Variants in TOLLIP observed in about 807,000 individuals in gnomAD.
The protein encoded by TOLLIP is toll interacting protein.
TOLLIP carries 16 observed loss-of-function variants against 33.5 expected under a neutral mutation model. The ratio of observed to expected loss-of-function variants is 0.48; its 90% confidence interval spans 0.32 to 0.72. The LOEUF (loss-of-function observed/expected upper bound fraction) is 0.72, where lower values mean the gene tolerates loss of function less well. TOLLIP is among the 30% of genes least tolerant of loss of function. The pLI is 0.03. For missense variants in TOLLIP, 325 were observed against 396.6 expected (o/e 0.82, Z 1.53); for synonymous variants, 176 against 163.7 (o/e 1.07, Z -0.57).
chr11:1,288,079 G>A (rs1241020274), intron 4 of TOLLIP, among the ~76,000 whole-genome samples: 1 of 152,136 alleles, frequency 6.6e-6, no homozygotes, highest in Non-Finnish European at 1.5e-5. Flanking sequence ...CCCTGAGAAT[G>A]GAGATGGCTG....
rs1380051401 is a variant in TOLLIP at position 1,276,376 on chromosome 11, G to A, written c.*663C>T. The A allele has an allele frequency of 2.8e-5, 6 of 216,770 alleles. No homozygotes were observed. The South Asian group carries it at 3.3e-4, about 12-fold the overall frequency. The allele number at this position is 216,770 out of a possible 1,614,324, so 13.4% of individuals were successfully genotyped here. A position where few individuals can be genotyped will look rare whatever the true frequency, so the allele number is the denominator to read the frequency against. On this transcript the variant is annotated 3_prime_UTR_variant, in exon 6 of 6. Transcript: ENST00000317204. Reference sequence around the variant, plus strand: ...GCAATCAGGCAGAGCCTGGCCAACCGTGCCAGGCCCCCTTCCTCACTCCAG... The same window carrying A: ...GCAATCAGGCAGAGCCTGGCCAACCATGCCAGGCCCCCTTCCTCACTCCAG...
intron 1 of TOLLIP, among the ~76,000 whole-genome samples, chr11:1,301,279 T>G (rs973792710): frequency 6.6e-6 from 1 of 152,232 alleles, no homozygotes; most frequent in Admixed American, 6.5e-5. Context: ...TCATTAGCGA[T>G]GGGCTAAATA....
intron 1 of TOLLIP, chr11:1,306,077 C>A (rs540805500): frequency 6.6e-6 from 1 of 152,232 alleles, no homozygotes; most frequent in Non-Finnish European, 1.5e-5. Flanking sequence ...CTCACCCATG[C>A]TTTCTGATAA....
chr11:1,301,695 C>T (rs1270586696), intron 1 of TOLLIP, among the ~76,000 whole-genome samples: 1 of 152,170 alleles, frequency 6.6e-6, no homozygotes, highest in Non-Finnish European at 1.5e-5. Context: ...AACACAGAAG[C>T]CCAACTAGTG....
intron 4 of TOLLIP, among the ~76,000 whole-genome samples, chr11:1,288,303 T>A (rs768071236): frequency 6.6e-6 from 1 of 152,160 alleles, no homozygotes; most frequent in Non-Finnish European, 1.5e-5. Flanking sequence ...GGGCAGAGCT[T>A]GGAAGGGCTG....
At chr11:1,281,994 C>G (rs1243167818) in intron 5 of TOLLIP, among the ~76,000 whole-genome samples, 1 of 152,352 alleles carries the variant, frequency 6.6e-6, no homozygotes, top group East Asian at 1.9e-4. Flanking sequence ...ATCACAGGTA[C>G]TCAGAAGAAA....
At chr11:1,287,031 C>T (rs752085961) in intron 4 of TOLLIP, among the ~76,000 whole-genome samples, 3 of 152,108 alleles carry the variant, frequency 2.0e-5, no homozygotes, top group East Asian at 1.9e-4. Context: ...AGTCACTGCA[C>T]CACTGTCGCC....
At chr11:1,292,714 C>A (rs772273048) in intron 2 of TOLLIP, among the ~76,000 whole-genome samples, 1 of 151,808 alleles carries the variant, frequency 6.6e-6, no homozygotes, top group Non-Finnish European at 1.5e-5. Context: ...GGGCAAGAGA[C>A]GCACGTCAGA....
At chr11:1,299,399 C>T (rs891833545) in intron 1 of TOLLIP, among the ~76,000 whole-genome samples, 5 of 152,190 alleles carry the variant, frequency 3.3e-5, no homozygotes, top group Non-Finnish European at 7.3e-5. Context: ...CCAGTTCATG[C>T]TTCACGAGTC....
Position 1,290,296 on chromosome 11 carries a change from G to A in TOLLIP, c.297C>T (p.Arg99=). ...PTAHNGAKNP[R]WNKVIHCTVP... is the part of the protein sequence containing the mutation. ...CCGTGCAGTGGATGACCTTATTCCA[G>A]CGGGGATTCTTGGCGCCATTGTGTG... The change falls in exon 3 of 6, where the codon CGC becomes CGT. Residue 99 remains arginine, a synonymous_variant. Coordinates refer to ENST00000317204, the MANE Select transcript of TOLLIP (RefSeq NM_019009.4). This position sits in a 1 kb window ranked among gnomAD's most constrained non-coding sequence, Gnocchi z 4.9. 6.2e-7 allele frequency: 1 copy of A among 1,613,694 alleles called. No individual in the cohort carries two copies. The highest frequency in any genetic ancestry group is 8.5e-7 in the Non-Finnish European group (1 of 1,179,998).
At position 1,277,442 on chromosome 11, in the gene TOLLIP, C is replaced by T. The variant is rs1863347315; in HGVS notation, c.611-189G>A. On this transcript the variant is annotated intron_variant, in intron 5 of 5. Coordinates refer to ENST00000317204, the MANE Select transcript of TOLLIP (RefSeq NM_019009.4). This position sits in a 1 kb window ranked among gnomAD's most constrained non-coding sequence, Gnocchi z 4.2. The stretch of plus-strand genomic sequence containing the variant: ...AACCCCCAAACAGCAACCCCAGGCA[C>T]AGCCACGGGGAAGGTGGGCAGGGCC... Among the ~76,000 whole-genome samples the T allele has an allele frequency of 6.6e-6, 1 of 152,240 alleles. No individual in the cohort carries two copies. The highest frequency in any genetic ancestry group is 2.1e-4 in the South Asian group (1 of 4,832).
Position 1,293,462 on chromosome 11 carries a change from A to G in TOLLIP, c.183+2183T>C, listed in dbSNP as rs375663195. 9.8e-5 allele frequency among the ~76,000 whole-genome samples: 15 copies of G among 152,318 alleles called. No homozygotes were observed. The East Asian group carries it at 2.1e-3, about 22-fold the overall frequency. On this transcript the variant is annotated intron_variant, in intron 2 of 5. Transcript: ENST00000317204. ...CCCCTTGGCATCCCACTGGGGCCCC[A>G]GGAGACAACAAGGGGAAGCAGCGAG... is the stretch of plus-strand genomic sequence containing the variant.
chr11:1,293,189 G>A (rs5743941), intron 2 of TOLLIP, among the ~76,000 whole-genome samples: 2,166 of 152,350 alleles, frequency 0.014, 30 homozygotes, highest in Non-Finnish European at 0.019. Context: ...CAGAGTGTGG[G>A]GCAGCCACCT....
At position 1,278,715 on chromosome 11, in the gene TOLLIP, G is replaced by A. The variant is rs1475346176; in HGVS notation, c.611-1462C>T. On this transcript the variant is annotated intron_variant, in intron 5 of 5. Coordinates refer to ENST00000317204, the MANE Select transcript of TOLLIP (RefSeq NM_019009.4). The surrounding 1 kb of genome is among the most constrained non-coding windows in gnomAD (Gnocchi z 4.7). ...CTGGACACCTCACCTCACTGGGGAA[G>A]CATCATCCCCATGCTCATCAGCCTT... 2.0e-5 allele frequency among the ~76,000 whole-genome samples: 3 copies of A among 152,340 alleles called. No homozygotes were observed. The highest frequency in any genetic ancestry group is 7.2e-5 in the African/African-American group (3 of 41,570).
At chr11:1,301,853 A>T (rs1864287100) in intron 1 of TOLLIP, among the ~76,000 whole-genome samples, 1 of 152,260 alleles carries the variant, frequency 6.6e-6, no homozygotes, top group African/African-American at 2.4e-5. Context: ...AGAGAGAAAT[A>T]AATCCCCCGT....
At chr11:1,306,754 G>C (rs996477424) in intron 1 of TOLLIP, among the ~76,000 whole-genome samples, 2 of 151,676 alleles carry the variant, frequency 1.3e-5, no homozygotes, top group Non-Finnish European at 2.9e-5. Flanking sequence ...AAACTCCAGG[G>C]CAAGTCCAGT....
At chr11:1,300,365 C>T (rs569754487) in intron 1 of TOLLIP, among the ~76,000 whole-genome samples, 67 of 152,320 alleles carry the variant, frequency 4.4e-4, no homozygotes, top group Middle Eastern at 3.4e-3. Context: ...ACCACTGCAG[C>T]GTACCTTTCC....
rs749858766 is a variant in TOLLIP at position 1,276,745 on chromosome 11, AAG to A, written c.*292_*293del. 1 of 1,472,130 alleles carries A rather than the reference AAG, an allele frequency of 6.8e-7. No homozygotes were observed. Among genetic ancestry groups the A allele is most frequent in the South Asian group, 1.2e-5 (1 of 82,670 alleles). The allele number at this position is 1,472,130 out of a possible 1,614,324, so 91.2% of individuals were successfully genotyped here. On this transcript the variant is annotated 3_prime_UTR_variant, in exon 6 of 6. Coordinates refer to ENST00000317204, the MANE Select transcript of TOLLIP (RefSeq NM_019009.4). ...GGCAGAAGCAGCTGCTCTCTACAGC[AAG>A]AGCATTTTCCAGAACGGCATGAGAA...
Position 1,277,167 on chromosome 11 carries a change from C to T in TOLLIP, c.697G>A (p.Asp233Asn). 1 of 1,612,406 alleles carries T rather than the reference C, an allele frequency of 6.2e-7. No homozygotes were observed. The highest frequency in any genetic ancestry group is 8.5e-7 in the Non-Finnish European group (1 of 1,178,666). Reference sequence around the variant, plus strand: ...AACATGTCCTGGATGGCTTTCAGGTCCTCCTCGCTACAGCGGGGCTGGGCG... The same window carrying T: ...AACATGTCCTGGATGGCTTTCAGGTTCTCCTCGCTACAGCGGGGCTGGGCG... ...VNAQPRCSEE[D>N]LKAIQDMFPN... Residue 233 changes from aspartate to asparagine, a missense_variant, in exon 6 of 6, where the codon GAC (aspartate) becomes AAC (asparagine). Transcript: ENST00000317204. The surrounding 1 kb of genome is among the most constrained non-coding windows in gnomAD (Gnocchi z 4.2).
Sources: allele counts gnomAD v4.1 joint callset (sites outside exome capture counted in the v4.1 genomes callset), GRCh38; gene constraint gnomAD v4.1.1; non-coding constraint Gnocchi (gnomAD v3.1); transcripts MANE v1.5; gene names NCBI Gene and HGNC (gene_info 2026-07-23, HGNC 2026-07-21).